SIK3: variants seen among roughly 807,000 people sequenced by gnomAD.
SIK3 encodes the protein serine/threonine-protein kinase SIK3.
SIK3 carries 28 observed loss-of-function variants against 144.2 expected under a neutral mutation model. The ratio of observed to expected loss-of-function variants is 0.19; its 90% CI spans 0.14 to 0.27. The LOEUF is 0.27. Among genes scored for constraint, SIK3 ranks in the 10% least tolerant of loss-of-function variants. SIK3 has a pLI of 1.00. For missense variants in SIK3, 1,319 were observed against 1,776.0 expected, an observed-to-expected ratio of 0.74 and a Z score of 4.62; for synonymous variants, 686 against 676.3, an observed-to-expected ratio of 1.01 and a Z score of -0.22.
chr11:116,894,383 C>G (rs1945286005), intron 6 of SIK3, among the ~76,000 whole-genome samples: 1 of 152,220 alleles, frequency 6.6e-6, no homozygotes, highest in African/African-American at 2.4e-5. Context: ...CAATTCATAT[C>G]TTAACTCTGA....
At chr11:116,941,331 G>A (rs1257245775) in intron 3 of SIK3, among the ~76,000 whole-genome samples, 1 of 151,448 alleles carries the variant, frequency 6.6e-6, no homozygotes, top group African/African-American at 2.4e-5. Flanking sequence ...AATAATCAAA[G>A]GAGTAAATAA....
chr11:117,075,015 C>T (rs1444553381), intron 1 of SIK3, among the ~76,000 whole-genome samples: 1 of 151,282 alleles, frequency 6.6e-6, no homozygotes, highest in African/African-American at 2.4e-5. Context: ...GCTTTTTTAA[C>T]ATTAGATACG....
In SIK3 at chr11:116,999,125, C is replaced by G. The variant is rs147805558; in HGVS notation, c.274-42061G>C. On this transcript the variant is annotated intron_variant, in intron 1 of 24. Coordinates refer to ENST00000445177, the MANE Select transcript of SIK3 (RefSeq NM_001366686.3). Reference sequence around the variant, plus strand: ...TATGAAAAATATAGTTTCACAAACACAAGGGAACCAAACTTGCCTAGAGTT... The same window carrying G: ...TATGAAAAATATAGTTTCACAAACAGAAGGGAACCAAACTTGCCTAGAGTT... Among the ~76,000 whole-genome samples the G allele has an allele frequency of 1.7e-3, 260 of 152,250 alleles. 1 individual carries two copies. Among genetic ancestry groups the G allele is most frequent in the African/African-American group, 6.2e-3 (256 of 41,546 alleles).
intron 3 of SIK3, among the ~76,000 whole-genome samples, chr11:116,935,239 C>A (rs946020682): frequency 6.6e-6 from 1 of 151,806 alleles, no homozygotes; most frequent in Non-Finnish European, 1.5e-5. Flanking sequence ...CAGGGCAAGA[C>A]CCTATCTTTA....
chr11:117,023,579 T>C (rs1951862676), intron 1 of SIK3, among the ~76,000 whole-genome samples: 1 of 95,936 alleles, frequency 1.0e-5, no homozygotes, highest in African/African-American at 4.5e-5. Context: ...CTAATATTCT[T>C]AAAAACAAAC....
At chr11:117,014,033 G>T (rs1310146111) in intron 1 of SIK3, among the ~76,000 whole-genome samples, 2 of 119,300 alleles carry the variant, frequency 1.7e-5, no homozygotes, top group African/African-American at 6.6e-5. Flanking sequence ...AGTCTGGAGT[G>T]CAGTGTTGTA....
chr11:116,906,939 C>T (rs1048000076), intron 4 of SIK3, among the ~76,000 whole-genome samples: 4 of 152,162 alleles, frequency 2.6e-5, no homozygotes, highest in Admixed American at 1.3e-4. Flanking sequence ...TAGAAACGAA[C>T]GTCGTGGCCA....
intron 1 of SIK3, among the ~76,000 whole-genome samples, chr11:117,030,267 T>C (rs963707760): frequency 3.3e-5 from 5 of 152,186 alleles, no homozygotes; most frequent in Non-Finnish European, 4.4e-5. Context: ...GAATGTATTG[T>C]AAGGAAGGAA....
chr11:117,058,933 C>T (rs1028282347), intron 1 of SIK3, among the ~76,000 whole-genome samples: 5 of 152,148 alleles, frequency 3.3e-5, no homozygotes, highest in East Asian at 1.9e-4. Context: ...AGGAGAACTG[C>T]GGATACTGAT....
intron 1 of SIK3, among the ~76,000 whole-genome samples, chr11:117,023,928 G>A (rs554209219): frequency 2.0e-5 from 3 of 151,972 alleles, no homozygotes; most frequent in South Asian, 2.1e-4. Context: ...ATTCACCTGC[G>A]TTAGCCTCCC....
At chr11:116,875,613 A>G (rs1359041857) in intron 9 of SIK3, 162 bp from the exon 10 acceptor site, 1 of 821,826 alleles carries the variant, frequency 1.2e-6, no homozygotes, top group African/African-American at 1.7e-5. Context: ...TCCTGTGAAG[A>G]GGATAGCATC....
At chr11:116,920,020 C>T (rs1471179532) in intron 4 of SIK3, among the ~76,000 whole-genome samples, 2 of 152,046 alleles carry the variant, frequency 1.3e-5, no homozygotes, top group Non-Finnish European at 2.9e-5. Flanking sequence ...AGCTTTTTGC[C>T]GTCTCCATAC....
chr11:116,981,576 A>G (rs763126958), intron 1 of SIK3, among the ~76,000 whole-genome samples: 1 of 152,244 alleles, frequency 6.6e-6, no homozygotes, highest in Non-Finnish European at 1.5e-5. Context: ...GAAGAGCAGG[A>G]GTCAGGAAAT....
chr11:116,964,835 T>G (rs369645008), intron 1 of SIK3, among the ~76,000 whole-genome samples: 1 of 151,394 alleles, frequency 6.6e-6, no homozygotes, highest in Admixed American at 6.6e-5. Flanking sequence ...TGAGCCGAGA[T>G]GGCGCCGCTG....
intron 1 of SIK3, among the ~76,000 whole-genome samples, chr11:117,014,715 T>C (rs1951447598): frequency 6.6e-6 from 1 of 152,224 alleles, no homozygotes; most frequent in Non-Finnish European, 1.5e-5. Context: ...CATTATGCAA[T>C]GATTACCATA....
chr11:116,870,193 T>C, intron 14 of SIK3, 138 bp downstream of exon 14: 1 of 1,545,086 alleles, frequency 6.5e-7, no homozygotes, highest in Non-Finnish European at 8.7e-7. Context: ...GGGTGGAACA[T>C]GCCATCTGGC....
At chr11:117,005,388 T>G (rs1032777077) in intron 1 of SIK3, among the ~76,000 whole-genome samples, 20 of 151,000 alleles carry the variant, frequency 1.3e-4, no homozygotes, top group African/African-American at 4.1e-4. Flanking sequence ...ACAAACATTT[T>G]TAAATGGTAA....
intron 3 of SIK3, among the ~76,000 whole-genome samples, chr11:116,949,889 GGTTT>G (rs1322562197): frequency 1.3e-5 from 2 of 152,064 alleles, no homozygotes; most frequent in African/African-American, 4.8e-5. Flanking sequence ...GCTGTTTTAT[GGTTT>G]GTTTTTCTCC....
chr11:116,870,165 T>C (rs1369269544), intron 14 of SIK3, 166 bp downstream of exon 14: 1 of 1,536,842 alleles, frequency 6.5e-7, no homozygotes, highest in Admixed American at 2.0e-5. Context: ...CTGGGTAGTC[T>C]TCTGTTACTT....
Sources: gnomAD v4.1 joint callset for allele counts (sites outside exome capture counted in the v4.1 genomes callset) on GRCh38, gnomAD v4.1.1 for gene constraint, MANE v1.5 for transcripts, NCBI Gene and HGNC (gene_info 2026-07-23, HGNC 2026-07-21) for gene names.